CSMD1: variants seen among roughly 807,000 people sequenced by gnomAD.
The protein encoded by CSMD1 is CUB and Sushi multiple domains 1, also known as CUB and sushi domain-containing protein 1.
CSMD1 carries 213 observed loss-of-function variants against 417.5 expected under a neutral mutation model. That is an observed-to-expected ratio of 0.51 (90% confidence interval 0.46 to 0.57). The LOEUF (loss-of-function observed/expected upper bound fraction) is 0.57. Ranked by LOEUF, CSMD1 falls within the 20% of genes least tolerant of loss-of-function variation. The pLI is 0.00. For synonymous variants in CSMD1, 2,862 were observed against 1,736.8 expected (o/e 1.65, Z -16.11); for missense variants, 6,923 against 4,529.7 (o/e 1.53, Z -15.17).
intron 3 of CSMD1, among the ~76,000 whole-genome samples, chr8:4,283,712 A>T (rs920098766): frequency 1.3e-5 from 2 of 152,132 alleles, no homozygotes; most frequent in Non-Finnish European, 2.9e-5. Flanking sequence ...CACACTTTTT[A>T]TTCTTTTTAA....
At chr8:4,691,368 C>G (rs962945741) in intron 1 of CSMD1, among the ~76,000 whole-genome samples, 1 of 152,168 alleles carries the variant, frequency 6.6e-6, no homozygotes, top group Non-Finnish European at 1.5e-5. Flanking sequence ...GGCCCACTCA[C>G]CTAGATAGAC....
At position 4,103,457 on chromosome 8, in the gene CSMD1, A is replaced by G. The variant is rs560398587; in HGVS notation, c.416-71358T>C. Among the ~76,000 whole-genome samples the G allele has an allele frequency of 5.3e-3, 803 of 151,040 alleles. 6 individuals are homozygous for G. The highest frequency in any genetic ancestry group is 0.019 in the African/African-American group (768 of 41,352). ...GTTAAAAAAGGGTACCATAACATCC[A>G]CATGATTATTTTAAAAAGGGTTTTA... On this transcript the variant is annotated intron_variant, in intron 3 of 69. Transcript: ENST00000635120.
intron 5 of CSMD1, among the ~76,000 whole-genome samples, chr8:3,954,077 G>C (rs1342381120): frequency 6.6e-6 from 1 of 152,170 alleles, no homozygotes; most frequent in Non-Finnish European, 1.5e-5. Flanking sequence ...CCCGCCTCTA[G>C]GAAGCTCGTG....
chr8:4,443,822 TCA>T lies in CSMD1; in HGVS notation c.303-23759_303-23758del, dbSNP rs1214722222. 3.9e-5 allele frequency among the ~76,000 whole-genome samples: 6 copies of T among 152,204 alleles called. No homozygotes were observed. In the South Asian group the frequency reaches 8.3e-4, roughly 21 times the overall value. On this transcript the variant is annotated intron_variant, in intron 2 of 69. Transcript: ENST00000635120. ...GTCCAGAAAATCCCTTATATGGTGA[TCA>T]CAGTGTTAGTAACGAACTTCTGGGT...
intron 1 of CSMD1, among the ~76,000 whole-genome samples, chr8:4,666,886 G>A (rs1804970433): frequency 6.6e-6 from 1 of 151,802 alleles, no homozygotes; most frequent in Non-Finnish European, 1.5e-5. Context: ...CTATTTTAGT[G>A]CTCCTGCTTT....
rs570916890 is a variant in CSMD1 at position 4,456,832 on chromosome 8, G to A, written c.303-36767C>T. 5.3e-5 allele frequency among the ~76,000 whole-genome samples: 8 copies of A among 152,168 alleles called. No individual in the cohort carries two copies. In the South Asian group the frequency reaches 8.3e-4, roughly 16 times the overall value. ...GTGAAGGCTGAGCCAGTGGGTACCT[G>A]CAGGACCCATCCTGACCAAGCCTGG... On this transcript the variant is annotated intron_variant, in intron 2 of 69. Coordinates refer to ENST00000635120, the MANE Select transcript of CSMD1 (RefSeq NM_033225.6).
intron 12 of CSMD1, among the ~76,000 whole-genome samples, chr8:3,443,149 ACAC>A (rs751454180): frequency 6.6e-6 from 1 of 152,222 alleles, no homozygotes; most frequent in Non-Finnish European, 1.5e-5. Context: ...TGTACACTGC[ACAC>A]CACGTGTCAC....
intron 27 of CSMD1, among the ~76,000 whole-genome samples, chr8:3,228,794 C>A (rs911232158): frequency 6.6e-6 from 1 of 151,644 alleles, no homozygotes; most frequent in Non-Finnish European, 1.5e-5. Context: ...AAAAAAAAAA[C>A]CCTTTCCTAC....
intron 3 of CSMD1, among the ~76,000 whole-genome samples, chr8:4,404,105 T>C (rs981863336): frequency 6.6e-6 from 1 of 152,186 alleles, no homozygotes; most frequent in Non-Finnish European, 1.5e-5. Context: ...GGGAATGGTA[T>C]TTCTCCAGAA....
chr8:3,286,747 C>T (rs184940858), intron 25 of CSMD1, among the ~76,000 whole-genome samples: 46 of 151,918 alleles, frequency 3.0e-4, no homozygotes, highest in Non-Finnish European at 3.8e-4. Flanking sequence ...GAGTAGATTG[C>T]AAAAATTTTC....
Position 4,637,212 on chromosome 8 carries a change from C to T in CSMD1, c.302+130G>A, listed in dbSNP as rs1585371040. 4 of 679,010 alleles carry T rather than the reference C, an allele frequency of 5.9e-6. No individual in the cohort carries two copies. The East Asian group carries it at 1.1e-4, about 18-fold the overall frequency. 42.1% of individuals were successfully genotyped at this position (679,010 alleles called of 1,614,324 possible). On this transcript the variant is annotated intron_variant, in intron 2 of 69. Transcript: ENST00000635120. ...AGGTCTGTGGCTTCATTCTTGAAGTCAGCGAGGCCACGAACCCACCGGAAG... is the reference window on the plus strand; with the variant it reads ...AGGTCTGTGGCTTCATTCTTGAAGTTAGCGAGGCCACGAACCCACCGGAAG...
chr8:3,105,190 G>C (rs1013457487), intron 46 of CSMD1, among the ~76,000 whole-genome samples: 1 of 152,176 alleles, frequency 6.6e-6, no homozygotes, highest in Non-Finnish European at 1.5e-5. Context: ...AAATAAAGCG[G>C]ATAAATCATC....
chr8:4,695,583 G>T (rs1807074868), intron 1 of CSMD1, among the ~76,000 whole-genome samples: 1 of 152,042 alleles, frequency 6.6e-6, no homozygotes, highest in Non-Finnish European at 1.5e-5. Flanking sequence ...TTTCTCATCT[G>T]TCCCCTATCC....
At chr8:4,372,587 T>A (rs1437423033) in intron 3 of CSMD1, among the ~76,000 whole-genome samples, 1 of 150,844 alleles carries the variant, frequency 6.6e-6, no homozygotes, top group African/African-American at 2.4e-5. Flanking sequence ...GAGGTACACT[T>A]AAAACAAGGT....
intron 21 of CSMD1, among the ~76,000 whole-genome samples, chr8:3,352,955 G>C (rs1808513940): frequency 6.6e-6 from 1 of 152,166 alleles, no homozygotes. Context: ...CTAAGCCCAT[G>C]TTACAGATGA....
chr8:2,946,090 T>A (rs1802213086), intron 68 of CSMD1, among the ~76,000 whole-genome samples: 1 of 152,176 alleles, frequency 6.6e-6, no homozygotes, highest in African/African-American at 2.4e-5. Flanking sequence ...AGCCAGTGGC[T>A]CCTACATGAG....
At chr8:3,807,951 T>C (rs1800840001) in intron 5 of CSMD1, among the ~76,000 whole-genome samples, 1 of 152,202 alleles carries the variant, frequency 6.6e-6, no homozygotes, top group Non-Finnish European at 1.5e-5. Context: ...GTGGCTTGCA[T>C]AACTTGTCAA....
chr8:4,524,444 C>T (rs963974889), intron 2 of CSMD1, among the ~76,000 whole-genome samples: 2 of 152,094 alleles, frequency 1.3e-5, no homozygotes, highest in African/African-American at 2.4e-5. Flanking sequence ...GTAGGTGATG[C>T]TTGTGGCTGA....
intron 10 of CSMD1, among the ~76,000 whole-genome samples, chr8:3,529,091 C>T (rs947084862): frequency 3.3e-5 from 5 of 152,070 alleles, no homozygotes; most frequent in Admixed American, 2.6e-4. Context: ...CAGAATATAC[C>T]GACTTCTTTG....
Sources: allele counts gnomAD v4.1 joint callset (sites outside exome capture counted in the v4.1 genomes callset), GRCh38; gene constraint gnomAD v4.1.1; transcripts MANE v1.5; gene names NCBI Gene and HGNC (gene_info 2026-07-23, HGNC 2026-07-21).